Variants in YME1L1 observed in about 807,000 individuals in gnomAD.
YME1L1 encodes ATP-dependent zinc metalloprotease YME1L1.
Under a neutral mutation model 90.4 loss-of-function variants are expected in YME1L1, and 39 were observed. That is an observed-to-expected ratio of 0.43 (90% CI 0.33 to 0.56). YME1L1 has a LOEUF of 0.56. Ranked by LOEUF, YME1L1 falls within the 20% of genes least tolerant of loss-of-function variation. The pLI, the probability that YME1L1 is intolerant of heterozygous loss-of-function variation, is 0.03. For missense variants in YME1L1, 617 were observed against 868.4 expected, an observed-to-expected ratio of 0.71 and a Z score of 3.64; for synonymous variants, 284 against 287.3, an observed-to-expected ratio of 0.99 and a Z score of 0.12.
At chr10:27,130,832 A>T (rs1269125846) in intron 8 of YME1L1, among the ~76,000 whole-genome samples, 1 of 152,244 alleles carries the variant, frequency 6.6e-6, no homozygotes, top group Non-Finnish European at 1.5e-5. Flanking sequence ...CAGCTTGGGC[A>T]ACAATAGCGA....
chr10:27,119,733 C>T (rs183238442), intron 13 of YME1L1, among the ~76,000 whole-genome samples: 49 of 151,450 alleles, frequency 3.2e-4, no homozygotes, highest in South Asian at 8.4e-4. Context: ...CACTTGAACC[C>T]GGGAGGTGGA....
chr10:27,143,749 G>A (rs1226816514), intron 3 of YME1L1, among the ~76,000 whole-genome samples: 4 of 148,228 alleles, frequency 2.7e-5, no homozygotes, highest in Non-Finnish European at 1.5e-5. Flanking sequence ...ATTACTTTTA[G>A]TTAAGAACAT....
Position 27,116,055 on chromosome 10 carries a change from A to G in YME1L1, c.1920+5T>C, listed in dbSNP as rs1382730356. ...TACATGAAAAGGATTTAAAAAATCT[A>G]TTACCTTTTCACTCATTCCAAATTT... is the stretch of plus-strand genomic sequence containing the variant. On this transcript the variant is annotated splice_donor_5th_base_variant and intron_variant, in intron 17 of 18. Transcript: ENST00000376016. 3 of 1,610,080 alleles carry G rather than the reference A, an allele frequency of 1.9e-6. No homozygotes were observed. The African/African-American group carries it at 4.0e-5, about 22-fold the overall frequency.
intron 14 of YME1L1, among the ~76,000 whole-genome samples, chr10:27,118,713 TATAAA>T (rs1231417896): frequency 6.6e-6 from 1 of 152,220 alleles, no homozygotes; most frequent in African/African-American, 2.4e-5. Flanking sequence ...TTTCTATTTC[TATAAA>T]ATAAACTTCC....
intron 10 of YME1L1, among the ~76,000 whole-genome samples, chr10:27,123,208 A>G (rs530286165): frequency 1.3e-5 from 2 of 152,302 alleles, no homozygotes; most frequent in East Asian, 1.9e-4. Flanking sequence ...TTCCAGCTAT[A>G]CAAATATATA....
rs148981673 is a variant in YME1L1 at position 27,115,585 on chromosome 10, G to A, written c.1920+475C>T. 3.3e-3 allele frequency among the ~76,000 whole-genome samples: 497 copies of A among 152,210 alleles called. 1 individual carries two copies. Among genetic ancestry groups the A allele is most frequent in the African/African-American group, 0.011 (472 of 41,534 alleles). On this transcript the variant is annotated intron_variant, in intron 17 of 18. Coordinates refer to ENST00000376016, the MANE Select transcript of YME1L1 (RefSeq NM_014263.4). Reference sequence around the variant, plus strand: ...TCTCCTCAGCCTCCCAAAGTGCTGGGATTACAGATGTGAGCCACAGTGCCC... The same window carrying A: ...TCTCCTCAGCCTCCCAAAGTGCTGGAATTACAGATGTGAGCCACAGTGCCC...
intron 17 of YME1L1, among the ~76,000 whole-genome samples, chr10:27,114,880 A>T (rs764157848): frequency 2.6e-5 from 4 of 152,138 alleles, no homozygotes; most frequent in Non-Finnish European, 4.4e-5. Context: ...CACAAAAAAT[A>T]GCTGGGCATA....
At position 27,118,317 on chromosome 10, in the gene YME1L1, T is replaced by TGTAACCCAGGCTGGAATACAGTGGCATG. The variant is rs375092435; in HGVS notation, c.1568-618_1568-591dup. Among the ~76,000 whole-genome samples the TGTAACCCAGGCTGGAATACAGTGGCATG allele has an allele frequency of 8.2e-3, 1,241 of 152,204 alleles. 14 individuals are homozygous for TGTAACCCAGGCTGGAATACAGTGGCATG. Among genetic ancestry groups the TGTAACCCAGGCTGGAATACAGTGGCATG allele is most frequent in the African/African-American group, 0.028 (1,162 of 41,490 alleles). On this transcript the variant is annotated intron_variant, in intron 14 of 18. Transcript: ENST00000376016. Reference sequence around the variant, plus strand: ...ATTTTGTTTCTTTTTAAACAGGGTCTGTAACCCAGGCTGGAATACAGTGGC... The same window carrying TGTAACCCAGGCTGGAATACAGTGGCATG: ...ATTTTGTTTCTTTTTAAACAGGGTCTGTAACCCAGGCTGGAATACAGTGGCATGGTAACCCAGGCTGGAATACAGTGGC...
chr10:27,131,891 T>C lies in YME1L1; in HGVS notation c.826A>G (p.Met276Val), dbSNP rs2056980710. Residue 276 changes from methionine to valine, a missense_variant, in exon 8 of 19, where the codon ATG (methionine) becomes GTG (valine). Met to Val is a conservative substitution (Grantham distance 21). Transcript: ENST00000376016. ...GLDSAVDPVQ[M>V]KNVTFEHVKG... The stretch of plus-strand genomic sequence containing the variant: ...ACATGTTCAAAGGTGACATTTTTCA[T>C]CTGGACAGGATCTACTGCAGAATCA... 1.2e-6 allele frequency: 2 copies of C among 1,612,550 alleles called. No individual in the cohort carries two copies. Among genetic ancestry groups the C allele is most frequent in the East Asian group, 2.2e-5 (1 of 44,870 alleles).
intron 1 of YME1L1, among the ~76,000 whole-genome samples, chr10:27,150,926 T>G (rs1436759500): frequency 1.7e-5 from 2 of 118,854 alleles, no homozygotes; most frequent in East Asian, 4.1e-4. Flanking sequence ...TCGCCTTTTT[T>G]TTTTTTTTTT....
In YME1L1 at chr10:27,114,660, A is replaced by G. The variant is rs146542819; in HGVS notation, c.1921-53T>C. 1.4e-4 allele frequency: 193 copies of G among 1,359,198 alleles called. No individual in the cohort carries two copies. The African/African-American group carries it at 2.5e-3, about 17-fold the overall frequency. 84.2% of individuals were successfully genotyped at this position (1,359,198 alleles called of 1,614,324 possible). On this transcript the variant is annotated intron_variant, in intron 17 of 18. Transcript: ENST00000376016. ...AACAGAAAACCCCCAAACACCAACA[A>G]ATTTGAAAGAGAAAGTACTATCCTA...
At chr10:27,118,428 C>T (rs2056835175) in intron 14 of YME1L1, among the ~76,000 whole-genome samples, 1 of 152,126 alleles carries the variant, frequency 6.6e-6, no homozygotes, top group African/African-American at 2.4e-5. Flanking sequence ...ACCACAGTCG[C>T]ATGCCACCCC....
At chr10:27,145,271 T>C (rs1489844109) in intron 3 of YME1L1, 157 bp downstream of exon 3, 10 of 593,382 alleles carry the variant, frequency 1.7e-5, no homozygotes, top group Non-Finnish European at 2.3e-5. Context: ...TCTGGTACTA[T>C]TTCAATATGA....
chr10:27,151,397 T>C (rs1564471271), intron 1 of YME1L1, among the ~76,000 whole-genome samples: 1 of 152,160 alleles, frequency 6.6e-6, no homozygotes, highest in Non-Finnish European at 1.5e-5. Context: ...TTAAGAGGCA[T>C]TTAGTTCAGG....
At chr10:27,127,078 A>G (rs1172955121) in intron 8 of YME1L1, among the ~76,000 whole-genome samples, 1 of 152,246 alleles carries the variant, frequency 6.6e-6, no homozygotes, top group East Asian at 1.9e-4. Flanking sequence ...GGTTAAAAAG[A>G]AAGTACCTAG....
intron 7 of YME1L1, among the ~76,000 whole-genome samples, chr10:27,133,368 G>A (rs535506339): frequency 6.6e-6 from 1 of 152,258 alleles, no homozygotes; most frequent in African/African-American, 2.4e-5. Flanking sequence ...TTATAAATGA[G>A]TAAATTGAGC....
intron 8 of YME1L1, among the ~76,000 whole-genome samples, chr10:27,130,183 C>T (rs141020091): frequency 1.5e-3 from 231 of 152,316 alleles, no homozygotes; most frequent in Admixed American, 7.8e-4. Flanking sequence ...TAGCATTTCA[C>T]ATTGCTGATC....
chr10:27,145,390 T>C lies in YME1L1; in HGVS notation c.331+38A>G, dbSNP rs986825748. On this transcript the variant is annotated intron_variant, in intron 3 of 18. Coordinates refer to ENST00000376016, the MANE Select transcript of YME1L1 (RefSeq NM_014263.4). ...TGGTATCTATAATTATTAATAGTGC[T>C]AAAATATTTAATTGGAACAAAAAAC... 5.9e-6 allele frequency: 9 copies of C among 1,516,668 alleles called. No individual in the cohort carries two copies. The African/African-American group carries it at 1.3e-4, about 21-fold the overall frequency. 94.0% of individuals were successfully genotyped at this position (1,516,668 alleles called of 1,614,324 possible).
At chr10:27,121,690 AATTTATTTTTT>A (rs2056869122) in intron 11 of YME1L1, among the ~76,000 whole-genome samples, 1 of 151,682 alleles carries the variant, frequency 6.6e-6, no homozygotes, top group Non-Finnish European at 1.5e-5. Context: ...ATATCTGACT[AATTTATTTTTT>A]ATTTATTTTT....
Sources: allele counts gnomAD v4.1 joint callset (sites outside exome capture counted in the v4.1 genomes callset), GRCh38; gene constraint gnomAD v4.1.1; transcripts MANE v1.5; gene names NCBI Gene and HGNC (gene_info 2026-07-23, HGNC 2026-07-21).